The following SLC16A12 variants were observed in gnomAD, a reference collection of about 807,000 sequenced individuals.
The protein encoded by SLC16A12 is monocarboxylate transporter 12.
SLC16A12 carries 17 observed loss-of-function variants against 42.4 expected under a neutral mutation model. The ratio of observed to expected loss-of-function variants is 0.40; its 90% CI spans 0.27 to 0.60. SLC16A12 has a LOEUF of 0.60. SLC16A12 is among the 20% of genes least tolerant of loss of function. The probability of loss-of-function intolerance (pLI) is 0.42; values close to 1 mark genes in which losing one functional copy is unlikely to be tolerated. For synonymous variants in SLC16A12, 224 were observed against 229.4 expected (o/e 0.98, Z 0.21); for missense variants, 544 against 623.0 (o/e 0.87, Z 1.35).
intron 2 of SLC16A12, among the ~76,000 whole-genome samples, chr10:89,521,722 G>A (rs1843361376): frequency 6.6e-6 from 1 of 152,198 alleles, no homozygotes; most frequent in Non-Finnish European, 1.5e-5. Context: ...AGAAGAGGAG[G>A]AGGTTTCATC....
chr10:89,472,804 T>C (rs1341373735), intron 2 of SLC16A12, among the ~76,000 whole-genome samples: 1 of 151,870 alleles, frequency 6.6e-6, no homozygotes, highest in East Asian at 1.9e-4. Context: ...GTATTTTTTC[T>C]TTTAAATTTT....
chr10:89,452,929 G>T (rs894142441), intron 3 of SLC16A12, among the ~76,000 whole-genome samples: 2 of 152,194 alleles, frequency 1.3e-5, no homozygotes, highest in African/African-American at 2.4e-5. Context: ...CTGCAGGTGA[G>T]GGGGACCTAA....
chr10:89,458,093 G>C (rs1589674868), intron 3 of SLC16A12, among the ~76,000 whole-genome samples: 1 of 152,108 alleles, frequency 6.6e-6, no homozygotes, highest in South Asian at 2.1e-4. Flanking sequence ...CAGAGGGATT[G>C]GCAAATTTTT....
chr10:89,445,820 G>C (rs1303312736), intron 3 of SLC16A12, among the ~76,000 whole-genome samples: 10 of 152,142 alleles, frequency 6.6e-5, no homozygotes, highest in Non-Finnish European at 1.2e-4. Context: ...AGCTAAAGGA[G>C]GATGTTCGAA....
At chr10:89,465,024 C>T (rs922404441) in intron 2 of SLC16A12, among the ~76,000 whole-genome samples, 1 of 152,136 alleles carries the variant, frequency 6.6e-6, no homozygotes, top group Admixed American at 6.6e-5. Context: ...TATTGCTAAA[C>T]ACTGGCCTGA....
chr10:89,519,548 G>A (rs773842547), intron 2 of SLC16A12, among the ~76,000 whole-genome samples: 2 of 152,096 alleles, frequency 1.3e-5, no homozygotes, highest in Non-Finnish European at 2.9e-5. Context: ...GAGTGTATGT[G>A]CACACAGGAT....
chr10:89,451,282 G>A (rs1437034403), intron 3 of SLC16A12, among the ~76,000 whole-genome samples: 3 of 152,284 alleles, frequency 2.0e-5, no homozygotes, highest in Non-Finnish European at 4.4e-5. Flanking sequence ...GGAGAAGAAG[G>A]GAGAGAACCA....
In SLC16A12 at chr10:89,436,265, C is replaced by T; in HGVS notation, c.1083G>A (p.Gly361=). The T allele has an allele frequency of 6.2e-7, 1 of 1,614,058 alleles. No homozygotes were observed. Among genetic ancestry groups the T allele is most frequent in the African/African-American group, 1.3e-5 (1 of 75,016 alleles). Residue 361 remains glycine (G), a synonymous_variant, in exon 7 of 8, where the codon GGG becomes GGA. Coordinates refer to ENST00000371790, the MANE Select transcript of SLC16A12 (RefSeq NM_213606.4). ...VCYLFAVGMD[G]LCYLCLPMLQ... ...GCATTGGGAGGCAGAGATAGCAGAGCCCATCCATTCCCACGGCAAAGAGGT... is the reference window on the plus strand; with the variant it reads ...GCATTGGGAGGCAGAGATAGCAGAGTCCATCCATTCCCACGGCAAAGAGGT...
intron 3 of SLC16A12, among the ~76,000 whole-genome samples, chr10:89,445,332 G>A (rs1841983269): frequency 6.6e-6 from 1 of 152,206 alleles, no homozygotes; most frequent in East Asian, 1.9e-4. Context: ...CCCCGTAGGG[G>A]CCAACTGACA....
At chr10:89,485,669 T>A (rs1162407651) in intron 2 of SLC16A12, among the ~76,000 whole-genome samples, 3 of 152,228 alleles carry the variant, frequency 2.0e-5, no homozygotes, top group African/African-American at 7.2e-5. Flanking sequence ...AGAGGGCATT[T>A]GGAGAAACGC....
intron 3 of SLC16A12, among the ~76,000 whole-genome samples, chr10:89,456,523 T>A (rs1313857352): frequency 1.3e-5 from 2 of 152,256 alleles, no homozygotes; most frequent in East Asian, 3.9e-4. Context: ...GATTCTTTTT[T>A]TTTCATTTTT....
At chr10:89,517,780 C>G (rs1324388409) in intron 2 of SLC16A12, among the ~76,000 whole-genome samples, 8 of 152,174 alleles carry the variant, frequency 5.3e-5, no homozygotes, top group Non-Finnish European at 1.2e-4. Flanking sequence ...GAGGTAGCCA[C>G]TATCTCAACA....
At chr10:89,498,196 G>A (rs192294968) in intron 2 of SLC16A12, among the ~76,000 whole-genome samples, 16 of 152,176 alleles carry the variant, frequency 1.1e-4, no homozygotes, top group African/African-American at 2.4e-4. Flanking sequence ...CCAGCTACTC[G>A]GAGGTGGGTA....
At position 89,548,852 on chromosome 10, in the gene SLC16A12, G is replaced by A. The variant is rs533060502; in HGVS notation, c.-47+7030C>T. Among the ~76,000 whole-genome samples the A allele has an allele frequency of 2.0e-5, 3 of 152,306 alleles. No individual in the cohort carries two copies. The South Asian group carries it at 6.2e-4, about 32-fold the overall frequency. ...GCACTAACTGATTGCTAAGCAGGAT[G>A]TAGCAAGTGCCACAGGAATTGCACA... On this transcript the variant is annotated intron_variant, in intron 2 of 2. Transcript: ENST00000475682.
chr10:89,470,523 T>C (rs1842475387), intron 2 of SLC16A12, among the ~76,000 whole-genome samples: 1 of 152,158 alleles, frequency 6.6e-6, no homozygotes, highest in Non-Finnish European at 1.5e-5. Flanking sequence ...ACAGAAGTGA[T>C]GGGGGGATTC....
intron 2 of SLC16A12, among the ~76,000 whole-genome samples, chr10:89,486,591 C>CAAAA (rs374359325): frequency 2.3e-5 from 1 of 42,838 alleles, no homozygotes; most frequent in African/African-American, 1.3e-4. Context: ...AACCTTGTCT[C>CAAAA]AAAAAAAAAA....
rs550780782 is a variant in SLC16A12, at chr10:89,547,148, T to C, written c.-47+8734A>G. ...TGTACGTTCTGCACATGTATCCCCA[T>C]TTTTTTTAGAAGAATGAATTTAAAA... On this transcript the variant is annotated intron_variant, in intron 2 of 2. Coordinates refer to the SLC16A12 transcript ENST00000475682. Among the ~76,000 whole-genome samples, 4 of 152,012 alleles carry C rather than the reference T, an allele frequency of 2.6e-5. No individual in the cohort carries two copies. In the East Asian group the frequency reaches 7.7e-4, roughly 29 times the overall value.
At chr10:89,535,859 C>G (rs1026711430), upstream of SLC16A12, among the ~76,000 whole-genome samples, 1 of 152,220 alleles carries the variant, frequency 6.6e-6, no homozygotes, top group Non-Finnish European at 1.5e-5. Context: ...GGCCGGGGGC[C>G]TAGCTGGCAA....
At chr10:89,464,572 G>T (rs1331147) in intron 2 of SLC16A12, among the ~76,000 whole-genome samples, 12,800 of 152,234 alleles carry the variant, frequency 0.084, 701 homozygotes, top group East Asian at 0.21. Context: ...CTATGACAAT[G>T]TGTGGATTAT....
Sources: allele counts gnomAD v4.1 joint callset (sites outside exome capture counted in the v4.1 genomes callset), GRCh38; gene constraint gnomAD v4.1.1; transcripts MANE v1.5; gene names NCBI Gene and HGNC (gene_info 2026-07-23, HGNC 2026-07-21).